The following EXOC2 variants were observed in gnomAD, a reference collection of about 807,000 sequenced individuals.
EXOC2 encodes the protein exocyst complex component 2.
A neutral mutation model predicts 131.8 loss-of-function variants in EXOC2; 70 were observed. That is an observed-to-expected ratio of 0.53 (90% CI 0.44 to 0.65). EXOC2 has a LOEUF of 0.65. EXOC2 is among the 30% of genes least tolerant of loss of function. The pLI, the probability that EXOC2 is intolerant of heterozygous loss-of-function variation, is 0.00. For missense variants in EXOC2, 923 were observed against 1,108.6 expected (o/e 0.83, Z 2.38); for synonymous variants, 411 against 398.4 (o/e 1.03, Z -0.38).
chr6:506,024 G>A lies in EXOC2; in HGVS notation c.2381-6324C>T, dbSNP rs1284672980. On this transcript the variant is annotated intron_variant, in intron 23 of 27. Coordinates refer to ENST00000230449, the MANE Select transcript of EXOC2 (RefSeq NM_018303.6). This position sits in a 1 kb window ranked among gnomAD's most constrained non-coding sequence, Gnocchi z 4.4. Reference sequence around the variant, plus strand: ...GTCATCTACTAAAAGTAAGTGCCTCGGCATACATGGAAAGAAGGTATTCCT... The same window carrying A: ...GTCATCTACTAAAAGTAAGTGCCTCAGCATACATGGAAAGAAGGTATTCCT... 5.9e-5 allele frequency among the ~76,000 whole-genome samples: 9 copies of A among 152,044 alleles called. No individual in the cohort carries two copies. Among genetic ancestry groups the A allele is most frequent in the Non-Finnish European group, 1.0e-4 (7 of 68,014 alleles).
intron 17 of EXOC2, among the ~76,000 whole-genome samples, chr6:559,032 C>A (rs1488604788): frequency 6.6e-6 from 1 of 152,056 alleles, no homozygotes; most frequent in East Asian, 1.9e-4. Context: ...TCTTTTTTCT[C>A]AAAAGAAATA....
intron 7 of EXOC2, among the ~76,000 whole-genome samples, chr6:607,846 A>T (rs1204125881): frequency 6.6e-6 from 1 of 152,244 alleles, no homozygotes; most frequent in Admixed American, 6.5e-5. Context: ...TGAAAACAAA[A>T]AACAATTTCT....
intron 3 of EXOC2, among the ~76,000 whole-genome samples, chr6:630,750 T>C (rs1477859254): frequency 6.6e-6 from 1 of 152,242 alleles, no homozygotes; most frequent in East Asian, 1.9e-4. Context: ...GGAAATGTCC[T>C]AGATGGTAGA....
At position 486,310 on chromosome 6, in the gene EXOC2, T is replaced by G. The variant is rs1763040965; in HGVS notation, c.*361A>C. The G allele has an allele frequency of 5.2e-6, 1 of 191,658 alleles. No individual in the cohort carries two copies. The highest frequency in any genetic ancestry group is 1.1e-5 in the Non-Finnish European group (1 of 93,602). 11.9% of individuals were successfully genotyped at this position (191,658 alleles called of 1,614,324 possible). Reference sequence around the variant, plus strand: ...GTGTGTCGTGGGAGCTGCCTGCGCTTCCGTGAACGGGACACTGAGAAATGC... The same window carrying G: ...GTGTGTCGTGGGAGCTGCCTGCGCTGCCGTGAACGGGACACTGAGAAATGC... On this transcript the variant is annotated 3_prime_UTR_variant, in exon 28 of 28. Coordinates refer to ENST00000230449, the MANE Select transcript of EXOC2 (RefSeq NM_018303.6).
chr6:610,162 T>C lies in EXOC2; in HGVS notation c.678A>G (p.Leu226=), dbSNP rs1760642507. ...CTACTTTTTCCGTTCCATCTGCTTCTAGTTTTTGATGGATGGCTAGAAAAA... is the reference window on the plus strand; with the variant it reads ...CTACTTTTTCCGTTCCATCTGCTTCCAGTTTTTGATGGATGGCTAGAAAAA... ...QDALSAIHQK[L]EADGTEKVEG... is the part of the protein sequence containing the mutation. Residue 226 remains leucine, a synonymous_variant, in exon 7 of 28, where the codon CTA becomes CTG. Transcript: ENST00000230449. The C allele has an allele frequency of 5.6e-6, 9 of 1,614,044 alleles. No homozygotes were observed. Among genetic ancestry groups the C allele is most frequent in the Non-Finnish European group, 7.6e-6 (9 of 1,179,964 alleles).
intron 23 of EXOC2, among the ~76,000 whole-genome samples, chr6:529,512 G>C (rs894913259): frequency 6.6e-6 from 1 of 152,172 alleles, no homozygotes; most frequent in Non-Finnish European, 1.5e-5. Flanking sequence ...AGTGAAACTC[G>C]GTGGCCCATT....
At chr6:489,750 G>A (rs1315098723) in intron 26 of EXOC2, among the ~76,000 whole-genome samples, 2 of 152,212 alleles carry the variant, frequency 1.3e-5, no homozygotes, top group East Asian at 1.9e-4. Flanking sequence ...TGGTTAAGGT[G>A]AAGAAATACT....
chr6:658,645 T>TTATATATATATATATATTTTATATA (rs1763254121), intron 1 of EXOC2, among the ~76,000 whole-genome samples: 4 of 118,336 alleles, frequency 3.4e-5, no homozygotes, highest in Admixed American at 1.8e-4. Context: ...TATATATATT[T>TTATATATATATATATATTTTATATA]TATATATATA....
intron 4 of EXOC2, among the ~76,000 whole-genome samples, chr6:620,589 C>T (rs1201391566): frequency 1.3e-5 from 2 of 152,078 alleles, no homozygotes; most frequent in African/African-American, 4.8e-5. Context: ...ACACTCCTAC[C>T]CCAAAAGAAT....
At chr6:525,518 T>C (rs1765690213) in intron 23 of EXOC2, 1 of 152,208 alleles carries the variant, frequency 6.6e-6, no homozygotes, top group Admixed American at 6.5e-5. Context: ...TCACCATGTA[T>C]GCCATTTCTC....
At chr6:580,475 T>A (rs1013455419) in intron 11 of EXOC2, among the ~76,000 whole-genome samples, 13 of 152,250 alleles carry the variant, frequency 8.5e-5, no homozygotes, top group Admixed American at 2.6e-4. Flanking sequence ...AGAAATTAAC[T>A]GTTCCTAGAA....
Position 486,528 on chromosome 6 carries a change from C to T in EXOC2, c.*143G>A, listed in dbSNP as rs750669603. Reference sequence around the variant, plus strand: ...GAGGTCATTTTGGTTGAAATGTATACCAACAATTTTCGAAGTCAGAGGAAG... The same window carrying T: ...GAGGTCATTTTGGTTGAAATGTATATCAACAATTTTCGAAGTCAGAGGAAG... On this transcript the variant is annotated 3_prime_UTR_variant, in exon 28 of 28. Transcript: ENST00000230449. 5.9e-5 allele frequency: 40 copies of T among 677,282 alleles called. 1 individual carries two copies. The highest frequency in any genetic ancestry group is 1.3e-4 in the East Asian group (5 of 37,742). The allele number at this position is 677,282 out of a possible 1,614,324, so 42.0% of individuals were successfully genotyped here.
At chr6:645,158 TTA>T (rs965333524) in intron 1 of EXOC2, among the ~76,000 whole-genome samples, 4 of 151,948 alleles carry the variant, frequency 2.6e-5, no homozygotes, top group African/African-American at 9.7e-5. Flanking sequence ...ACACATATGA[TTA>T]TATGAGTTTT....
chr6:567,679 G>A (rs1758049248), intron 13 of EXOC2, among the ~76,000 whole-genome samples: 1 of 152,002 alleles, frequency 6.6e-6, no homozygotes, highest in Non-Finnish European at 1.5e-5. Flanking sequence ...TTGTGTGTCT[G>A]TTGTGTGTGT....
chr6:663,504 A>C (rs1021287335), intron 1 of EXOC2, among the ~76,000 whole-genome samples: 3 of 152,212 alleles, frequency 2.0e-5, no homozygotes, highest in Admixed American at 6.5e-5. Flanking sequence ...CTACAGACCA[A>C]TATCCTTGAT....
chr6:502,411 C>G (rs936279452), intron 23 of EXOC2, among the ~76,000 whole-genome samples: 4 of 152,114 alleles, frequency 2.6e-5, no homozygotes, highest in African/African-American at 4.8e-5. Flanking sequence ...GACTAAAAAG[C>G]AGAAAATTAT....
At chr6:508,176 G>A (rs924711258) in intron 23 of EXOC2, among the ~76,000 whole-genome samples, 2 of 152,176 alleles carry the variant, frequency 1.3e-5, no homozygotes, top group African/African-American at 4.8e-5. Flanking sequence ...GCAAAACTGA[G>A]CAGAAGGTGC....
chr6:588,564 A>G (rs1165677303), intron 11 of EXOC2, among the ~76,000 whole-genome samples: 1 of 152,244 alleles, frequency 6.6e-6, no homozygotes, highest in African/African-American at 2.4e-5. Flanking sequence ...TATGTTGGCC[A>G]GGCTGGTGTT....
intron 13 of EXOC2, among the ~76,000 whole-genome samples, chr6:568,734 G>A (rs765271945): frequency 7.2e-5 from 11 of 152,102 alleles, no homozygotes; most frequent in Non-Finnish European, 1.5e-4. Flanking sequence ...TTTGTACATA[G>A]TAAGACTGTG....
Sources: allele counts gnomAD v4.1 joint callset (sites outside exome capture counted in the v4.1 genomes callset), GRCh38; gene constraint gnomAD v4.1.1; non-coding constraint Gnocchi (gnomAD v3.1); transcripts MANE v1.5; gene names NCBI Gene and HGNC (gene_info 2026-07-23, HGNC 2026-07-21).